The following THRB variants were observed in gnomAD, a reference collection of about 807,000 sequenced individuals.
The protein encoded by THRB is nuclear receptor subfamily 1 group A member 2.
THRB carries 12 observed loss-of-function variants against 47.8 expected under a neutral mutation model. The observed-to-expected ratio is 0.25, with a 90% CI of 0.16 to 0.41. The LOEUF is 0.41. Ranked by LOEUF, THRB falls within the 10% of genes least tolerant of loss-of-function variation. The pLI, the probability that THRB is intolerant of heterozygous loss-of-function variation, is 1.00. For missense variants in THRB, 348 were observed against 589.2 expected (o/e 0.59, Z 4.24); for synonymous variants, 218 against 212.2 (o/e 1.03, Z -0.24).
intron 3 of THRB, among the ~76,000 whole-genome samples, chr3:24,272,381 CAAACA>C (rs2053442138): frequency 6.7e-6 from 1 of 148,686 alleles, no homozygotes; most frequent in African/African-American, 2.6e-5. Context: ...CAAACAAAAA[CAAACA>C]AACAAACAAA....
At chr3:24,475,841 T>G (rs1197931842) in intron 1 of THRB, among the ~76,000 whole-genome samples, 1 of 152,154 alleles carries the variant, frequency 6.6e-6, no homozygotes, top group Admixed American at 6.5e-5. Flanking sequence ...CAAAAGCTAA[T>G]AAAGAAAACA....
At chr3:24,345,385 G>A (rs913613907) in intron 1 of THRB, among the ~76,000 whole-genome samples, 4 of 152,068 alleles carry the variant, frequency 2.6e-5, no homozygotes, top group African/African-American at 4.8e-5. Flanking sequence ...GGGGATTGAG[G>A]CTGTCAGTCA....
intron 5 of THRB, among the ~76,000 whole-genome samples, chr3:24,158,088 G>C (rs1221780732): frequency 6.6e-6 from 1 of 152,182 alleles, no homozygotes; most frequent in African/African-American, 2.4e-5. Context: ...GGCTTGCAGA[G>C]TGTTTTTAAA....
chr3:24,440,044 T>C (rs942579714), intron 1 of THRB, among the ~76,000 whole-genome samples: 9 of 152,234 alleles, frequency 5.9e-5, no homozygotes, highest in Admixed American at 2.0e-4. Flanking sequence ...AACTCTACTA[T>C]ATGATCCATT....
chr3:24,163,293 T>A (rs2039155019), intron 5 of THRB, among the ~76,000 whole-genome samples: 1 of 152,208 alleles, frequency 6.6e-6, no homozygotes, highest in Non-Finnish European at 1.5e-5. Context: ...CGGTGGCCTT[T>A]CAATGACATA....
intron 3 of THRB, among the ~76,000 whole-genome samples, chr3:24,274,270 C>CAGGCCT (rs1447730523): frequency 6.6e-6 from 1 of 152,104 alleles, no homozygotes; most frequent in Non-Finnish European, 1.5e-5. Context: ...GGCACTTACA[C>CAGGCCT]AGGCCTAATA....
intron 4 of THRB, among the ~76,000 whole-genome samples, chr3:24,220,734 G>A (rs1034292350): frequency 6.7e-6 from 1 of 150,202 alleles, no homozygotes; most frequent in Non-Finnish European, 1.5e-5. Flanking sequence ...AAGAAAGAAT[G>A]CTTAATACAT....
intron 6 of THRB, among the ~76,000 whole-genome samples, chr3:24,147,769 A>G (rs1219898812): frequency 2.6e-5 from 4 of 152,226 alleles, no homozygotes; most frequent in South Asian, 2.1e-4. Flanking sequence ...ATATCCTTCT[A>G]TCTTCCCTAC....
chr3:24,317,938 G>A (rs1034563812), intron 2 of THRB, among the ~76,000 whole-genome samples: 3 of 152,108 alleles, frequency 2.0e-5, no homozygotes, highest in African/African-American at 7.2e-5. Flanking sequence ...TGTGACTGGA[G>A]TCCCAGCTAC....
intron 4 of THRB, among the ~76,000 whole-genome samples, chr3:24,227,652 A>G (rs549561485): frequency 2.8e-4 from 43 of 152,314 alleles, no homozygotes; most frequent in Middle Eastern, 3.4e-3. Context: ...GGAGGCTTCA[A>G]AACTTTTAGA....
At chr3:24,410,135 A>G (rs181980563) in intron 1 of THRB, among the ~76,000 whole-genome samples, 2 of 152,008 alleles carry the variant, frequency 1.3e-5, no homozygotes, top group Admixed American at 6.6e-5. Context: ...TTGATAAGCC[A>G]GAAGAAAAAT....
chr3:24,470,506 C>G (rs970392697), intron 1 of THRB, among the ~76,000 whole-genome samples: 10 of 152,176 alleles, frequency 6.6e-5, no homozygotes, highest in African/African-American at 2.2e-4. Flanking sequence ...GGTTAACATA[C>G]GTAAAGTACT....
intron 1 of THRB, among the ~76,000 whole-genome samples, chr3:24,489,174 G>A (rs1422325138): frequency 6.6e-6 from 1 of 151,956 alleles, no homozygotes; most frequent in Non-Finnish European, 1.5e-5. Flanking sequence ...CCTAGGAGGT[G>A]GAGGTTGCAG....
intron 1 of THRB, among the ~76,000 whole-genome samples, chr3:24,388,513 G>A (rs2066310874): frequency 2.6e-5 from 4 of 152,164 alleles, no homozygotes; most frequent in Admixed American, 2.6e-4. Flanking sequence ...ACTGTTTTGT[G>A]TGGAATTCAT....
chr3:24,303,289 T>C (rs1430235784), intron 2 of THRB, among the ~76,000 whole-genome samples: 1 of 152,216 alleles, frequency 6.6e-6, no homozygotes, highest in Non-Finnish European at 1.5e-5. Flanking sequence ...AGTCTAGGCT[T>C]AGTGAGGTGA....
At chr3:24,346,745 T>G (rs1577015417) in intron 1 of THRB, among the ~76,000 whole-genome samples, 1 of 152,040 alleles carries the variant, frequency 6.6e-6, no homozygotes, top group Non-Finnish European at 1.5e-5. Context: ...TAAATCTGAA[T>G]GTACCTAGTT....
Position 24,316,700 on chromosome 3 carries a change from A to G in THRB, c.-188-19329T>C, listed in dbSNP as rs1274301273. Among the ~76,000 whole-genome samples, 5 of 152,214 alleles carry G rather than the reference A, an allele frequency of 3.3e-5. No homozygotes were observed. In the East Asian group the frequency reaches 9.7e-4, roughly 29 times the overall value. On this transcript the variant is annotated intron_variant, in intron 2 of 10. Transcript: ENST00000646209. ...CCTCAATTACTTCCCACCAGGTACA[A>G]GCTAAAGTCCTACTTCTCAGCTTCA...
chr3:24,383,205 A>G (rs1442433687), intron 1 of THRB, among the ~76,000 whole-genome samples: 1 of 152,042 alleles, frequency 6.6e-6, no homozygotes, highest in African/African-American at 2.4e-5. Context: ...TCAACAAAGT[A>G]CCCGGCTCAG....
At chr3:24,433,922 C>G (rs555016458) in intron 1 of THRB, among the ~76,000 whole-genome samples, 1 of 152,250 alleles carries the variant, frequency 6.6e-6, no homozygotes, top group African/African-American at 2.4e-5. Flanking sequence ...CTTCTCTAGG[C>G]CTCTATCCCT....
Sources: gnomAD v4.1 joint callset for allele counts (sites outside exome capture counted in the v4.1 genomes callset) on GRCh38, gnomAD v4.1.1 for gene constraint, MANE v1.5 for transcripts, NCBI Gene and HGNC (gene_info 2026-07-23, HGNC 2026-07-21) for gene names.